Variants in STK10 observed in about 807,000 individuals in gnomAD.
STK10 encodes the protein serine/threonine kinase 10.
STK10 carries 78 observed loss-of-function variants against 113.8 expected under a neutral mutation model. That is an observed-to-expected ratio of 0.69 (90% CI 0.57 to 0.83). The LOEUF (loss-of-function observed/expected upper bound fraction) is 0.83. Ranked by LOEUF, STK10 falls within the 40% of genes least tolerant of loss-of-function variation. The probability of loss-of-function intolerance (pLI) is 0.00; values close to 1 mark genes in which losing one functional copy is unlikely to be tolerated. For synonymous variants in STK10, 465 were observed against 494.7 expected (o/e 0.94, Z 0.80); for missense variants, 1,109 against 1,280.1 (o/e 0.87, Z 2.04).
intron 2 of STK10, among the ~76,000 whole-genome samples, chr5:172,137,482 A>G (rs1769887224): frequency 6.6e-6 from 1 of 152,154 alleles, no homozygotes; most frequent in African/African-American, 2.4e-5. Flanking sequence ...TCTCAGTTAA[A>G]GCAGAAAAAG....
At chr5:172,146,668 G>A (rs911485788) in intron 2 of STK10, among the ~76,000 whole-genome samples, 9 of 152,236 alleles carry the variant, frequency 5.9e-5, no homozygotes, top group African/African-American at 1.4e-4. Context: ...AATAGGGCCC[G>A]TGGGGCCAAG....
chr5:172,050,712 A>ATT (rs760815504), intron 18 of STK10, among the ~76,000 whole-genome samples: 3 of 146,046 alleles, frequency 2.1e-5, no homozygotes, highest in Non-Finnish European at 3.0e-5. Context: ...CAGCTTCTCA[A>ATT]TTTTTTTTTT....
chr5:172,131,801 C>T (rs1355905867), intron 2 of STK10, among the ~76,000 whole-genome samples: 1 of 152,150 alleles, frequency 6.6e-6, no homozygotes, highest in African/African-American at 2.4e-5. Flanking sequence ...TTGAATGTAT[C>T]TCCCAAAAGG....
Position 172,106,697 on chromosome 5 carries a change from G to C in STK10, c.711C>G (p.His237Gln), listed in dbSNP as rs180852802. 1.9e-6 allele frequency: 3 copies of C among 1,614,090 alleles called. No homozygotes were observed. The Admixed American group carries it at 5.0e-5, about 27-fold the overall frequency. Residue 237 changes from histidine (H) to glutamine (Q), a missense_variant, in exon 6 of 19, where the codon CAC becomes CAG. By Grantham distance (24) the His-to-Gln change is conservative. Around this residue, in one of 5 missense-constraint regions of STK10, gnomAD observed 885 missense variants for 991.1 expected, o/e 0.89. Coordinates refer to ENST00000176763, the MANE Select transcript of STK10 (RefSeq NM_005990.4). Reference protein sequence around the residue: ...LIEMAQIEPPHHELNPMRVLL... With the variant: ...LIEMAQIEPPQHELNPMRVLL... ...GGACCCGCATGGGGTTGAGCTCGTGGTGTGGCGGCTCGATCTGGGCCATCT... is the reference window on the plus strand; with the variant it reads ...GGACCCGCATGGGGTTGAGCTCGTGCTGTGGCGGCTCGATCTGGGCCATCT...
At chr5:172,161,391 T>G (rs1445098645) in intron 1 of STK10, among the ~76,000 whole-genome samples, 2 of 150,324 alleles carry the variant, frequency 1.3e-5, no homozygotes, top group South Asian at 2.1e-4. Context: ...AGGTGGAGAT[T>G]GCAGTGAGCC....
intron 2 of STK10, among the ~76,000 whole-genome samples, chr5:172,143,438 G>A (rs531569423): frequency 6.6e-6 from 1 of 152,298 alleles, no homozygotes; most frequent in Admixed American, 6.5e-5. Context: ...TCAACACGCA[G>A]TGACCACACC....
At position 172,044,914 on chromosome 5, in the gene STK10, A is replaced by G. The variant is rs778867836; in HGVS notation, c.2875T>C (p.Phe959Leu). 1 of 1,614,092 alleles carries G rather than the reference A, an allele frequency of 6.2e-7. No individual in the cohort carries two copies. The highest frequency in any genetic ancestry group is 1.3e-5 in the African/African-American group (1 of 74,930). Reference protein sequence around the residue: ...NPSTPSKAAKFFPYSSADAS With the variant: ...NPSTPSKAAKLFPYSSADAS ...GCATCCGCAGAACTGTAGGGGAAGA[A>G]CTTGGCGGCCTTGCTTGGGGTGGAG... Residue 959 changes from phenylalanine to leucine, a missense_variant, in exon 19 of 19, where the codon TTC becomes CTC. By Grantham distance (22) the Phe-to-Leu change is conservative (BLOSUM62 0). Coordinates refer to ENST00000176763, the MANE Select transcript of STK10 (RefSeq NM_005990.4). This position sits in a 1 kb window ranked among gnomAD's most constrained non-coding sequence, Gnocchi z 4.5.
At chr5:172,178,004 T>C (rs1770786821) in intron 1 of STK10, among the ~76,000 whole-genome samples, 1 of 152,146 alleles carries the variant, frequency 6.6e-6, no homozygotes, top group Non-Finnish European at 1.5e-5. Flanking sequence ...AATTTTGTAT[T>C]TTTAGTACAG....
intron 1 of STK10, among the ~76,000 whole-genome samples, chr5:172,158,744 T>A (rs1770405268): frequency 6.6e-6 from 1 of 152,172 alleles, no homozygotes; most frequent in Non-Finnish European, 1.5e-5. Context: ...ACAAACTACA[T>A]GGATGAATCC....
chr5:172,188,021 G>T lies in STK10; in HGVS notation c.22C>A (p.Arg8Ser). Residue 8 changes from arginine (R) to serine (S), a missense_variant, in exon 1 of 19, where the codon CGC becomes AGC. Physicochemically the swap from Arg to Ser is moderately radical, Grantham distance 110. This residue lies in a region of STK10 where 57 missense variants were observed against 53.6 expected (regional missense o/e 1.06). Coordinates refer to ENST00000176763, the MANE Select transcript of STK10 (RefSeq NM_005990.4). This position sits in a 1 kb window ranked among gnomAD's most constrained non-coding sequence, Gnocchi z 5.6. The stretch of plus-strand genomic sequence containing the variant: ...TCGAAGGTAGACAGGCGCAGGATGC[G>T]GCGGAAATTGGCAAAAGCCATGGCC... MAFANFR[R>S]ILRLSTFEKR... 1 of 1,612,916 alleles carries T rather than the reference G, an allele frequency of 6.2e-7. No homozygotes were observed. Among genetic ancestry groups the T allele is most frequent in the Non-Finnish European group, 8.5e-7 (1 of 1,179,654 alleles).
intron 2 of STK10, among the ~76,000 whole-genome samples, chr5:172,129,482 A>G (rs1015499346): frequency 1.3e-5 from 2 of 152,206 alleles, no homozygotes; most frequent in Non-Finnish European, 1.5e-5. Context: ...CCCTTGAATA[A>G]AAGTCATCAG....
At chr5:172,058,797 T>C (rs6870411) in intron 14 of STK10, among the ~76,000 whole-genome samples, 25,006 of 151,786 alleles carry the variant, frequency 0.16, 2,957 homozygotes, top group African/African-American at 0.34. Flanking sequence ...GCCTAAGGCA[T>C]GAGAATTGCT....
rs1561790159 is a variant in STK10 at position 172,056,987 on chromosome 5, GAAAGAAAGAGAAAGAAGGAAAGAA to G, written c.2337+338_2337+361del. The G allele has an allele frequency of 9.9e-4, 94 of 94,706 alleles. 1 individual carries two copies. Among genetic ancestry groups the G allele is most frequent in the South Asian group, 5.4e-3 (17 of 3,142 alleles). The allele number at this position is 94,706 out of a possible 1,614,324, so 5.9% of individuals were successfully genotyped here. The stretch of plus-strand genomic sequence containing the variant: ...AGAAAGAAAGAAAGAAAGAAAGAAA[GAAAGAAAGAGAAAGAAGGAAAGAA>G]AGAAAGAAAGAAAGAAAGAAAGAAA... On this transcript the variant is annotated intron_variant, in intron 15 of 18. Coordinates refer to ENST00000176763, the MANE Select transcript of STK10 (RefSeq NM_005990.4).
In STK10 at chr5:172,128,070, C is replaced by T. The variant is rs138046613; in HGVS notation, c.322-649G>A. On this transcript the variant is annotated intron_variant, in intron 2 of 18. Coordinates refer to ENST00000176763, the MANE Select transcript of STK10 (RefSeq NM_005990.4). ...CTCCACACTGACAGGCTGCAGGCCC[C>T]GGGAGAACAACCAGGTCTAGGCCCT... Among the ~76,000 whole-genome samples, 830 of 152,226 alleles carry T rather than the reference C, an allele frequency of 5.5e-3. 32 individuals are homozygous for T. The highest frequency in any genetic ancestry group is 0.05 in the Admixed American group (767 of 15,280).
At chr5:172,062,504 C>T (rs1175178431) in intron 13 of STK10, among the ~76,000 whole-genome samples, 1 of 150,790 alleles carries the variant, frequency 6.6e-6, no homozygotes, top group East Asian at 1.9e-4. Flanking sequence ...GCCCACGTGT[C>T]CGTCGATAGA....
chr5:172,052,323 G>T (rs1337465257), intron 18 of STK10, among the ~76,000 whole-genome samples: 1 of 152,156 alleles, frequency 6.6e-6, no homozygotes, highest in Non-Finnish European at 1.5e-5. Context: ...TAAGGAACTG[G>T]ATTCTGTCGA....
chr5:172,137,385 G>GT (rs1056479994), intron 2 of STK10, among the ~76,000 whole-genome samples: 1 of 152,096 alleles, frequency 6.6e-6, no homozygotes, highest in Non-Finnish European at 1.5e-5. Flanking sequence ...TTCCTGGAAT[G>GT]TAAGGATGGT....
rs1365097543 is a variant in STK10, at chr5:172,188,123, G to A, written c.-81C>T. On this transcript the variant is annotated 5_prime_UTR_variant, in exon 1 of 19. Transcript: ENST00000176763. The surrounding 1 kb of genome is among the most constrained non-coding windows in gnomAD (Gnocchi z 5.6). ...TCGGCGGCCGCGAGGAGAAGGAGGA[G>A]GAGTTGGAGGACGCCGCGTCTCTCG... 9 of 1,532,226 alleles carry A rather than the reference G, an allele frequency of 5.9e-6. No individual in the cohort carries two copies. The Admixed American group carries it at 1.7e-4, about 28-fold the overall frequency. The allele number at this position is 1,532,226 out of a possible 1,614,324, so 94.9% of individuals were successfully genotyped here.
At chr5:172,073,031 G>C (rs911730143) in intron 12 of STK10, among the ~76,000 whole-genome samples, 1 of 152,172 alleles carries the variant, frequency 6.6e-6, no homozygotes, top group Admixed American at 6.6e-5. Flanking sequence ...AAAGCACAGT[G>C]GTGCAATTAT....
Sources: gnomAD v4.1 joint callset for allele counts (sites outside exome capture counted in the v4.1 genomes callset) on GRCh38, gnomAD v4.1.1 for gene constraint, gnomAD v4.1.1 regional missense constraint, Gnocchi (gnomAD v3.1) non-coding constraint, MANE v1.5 for transcripts, NCBI Gene and HGNC (gene_info 2026-07-23, HGNC 2026-07-21) for gene names.